Variants in DYNC2H1 observed in about 807,000 individuals in gnomAD.
DYNC2H1 encodes dynein cytoplasmic 2 heavy chain 1, also known as cytoplasmic dynein 2 heavy chain 1.
In DYNC2H1, 410 loss-of-function variants were observed where a neutral mutation model predicts 570.0. That is an observed-to-expected ratio of 0.72 (90% CI 0.66 to 0.78). The LOEUF is 0.78. DYNC2H1 is among the 30% of genes least tolerant of loss of function. The probability of loss-of-function intolerance (pLI) is 0.00; values close to 1 mark genes in which losing one functional copy is unlikely to be tolerated. For missense variants in DYNC2H1, 4,865 were observed against 5,046.4 expected (o/e 0.96, Z 1.09); for synonymous variants, 1,688 against 1,677.6 (o/e 1.01, Z -0.15).
chr11:103,271,598 G>A (rs1354558096), intron 70 of DYNC2H1, among the ~76,000 whole-genome samples: 3 of 152,046 alleles, frequency 2.0e-5, no homozygotes, highest in Non-Finnish European at 4.4e-5. Flanking sequence ...GGAATGTTTT[G>A]GAAGTAAATT....
At chr11:103,441,908 G>A (rs1304077661) in intron 85 of DYNC2H1, among the ~76,000 whole-genome samples, 12 of 152,054 alleles carry the variant, frequency 7.9e-5, no homozygotes, top group Admixed American at 3.9e-4. Context: ...ACCATATTCT[G>A]CATTTCTGGA....
At chr11:103,152,020 C>T in intron 20 of DYNC2H1, 116 bp from the exon 21 acceptor site, 1 of 1,176,820 alleles carries the variant, frequency 8.5e-7, no homozygotes, top group Non-Finnish European at 1.2e-6. Flanking sequence ...TGTTTAAATG[C>T]AAAAATCTTA....
Position 103,156,505 on chromosome 11 carries a change from A to G in DYNC2H1, c.3862A>G (p.Thr1288Ala), listed in dbSNP as rs17301750. 0.11 allele frequency: 181,900 copies of G among 1,613,558 alleles called. 11,024 individuals carry two copies. The highest frequency in any genetic ancestry group is 0.12 in the Non-Finnish European group (140,798 of 1,179,594). The change falls in exon 26 of 89, where the codon ACT becomes GCT. Residue 1288 changes from threonine (T) to alanine (A), a missense_variant. Thr to Ala is a moderately conservative substitution (Grantham distance 58). Coordinates refer to ENST00000375735, the MANE Select transcript of DYNC2H1 (RefSeq NM_001377.3). ...TGATTATGAAGACAGCCAAAGTCGAACTATGAAGCTGATTAAAGACTGGAA... is the reference window on the plus strand; with the variant it reads ...TGATTATGAAGACAGCCAAAGTCGAGCTATGAAGCTGATTAAAGACTGGAA... ...LIDYEDSQSR[T>A]MKLIKDWKDI... is the part of the protein sequence containing the mutation.
chr11:103,241,581 T>C lies in DYNC2H1; in HGVS notation c.9820-2112T>C. The C allele has an allele frequency of 6.5e-7, 1 of 1,530,708 alleles. No individual in the cohort carries two copies. Among genetic ancestry groups the C allele is most frequent in the Middle Eastern group, 1.7e-4 (1 of 5,828 alleles). 94.8% of individuals were successfully genotyped at this position (1,530,708 alleles called of 1,614,324 possible). ...TTTTTAAAAATTTAAAATAATTACTTTTGTAGTTAGGCAAAATGCAGAATT... is the reference window on the plus strand; with the variant it reads ...TTTTTAAAAATTTAAAATAATTACTCTTGTAGTTAGGCAAAATGCAGAATT... On this transcript the variant is annotated intron_variant, in intron 63 of 88. Coordinates refer to ENST00000375735, the MANE Select transcript of DYNC2H1 (RefSeq NM_001377.3). This position sits in a 1 kb window ranked among gnomAD's most constrained non-coding sequence, Gnocchi z 5.1.
intron 15 of DYNC2H1, 127 bp downstream of exon 15, chr11:103,134,546 A>G (rs1040968144): frequency 1.4e-5 from 7 of 509,518 alleles, no homozygotes; most frequent in African/African-American, 2.0e-5. Flanking sequence ...TACCTAATAT[A>G]TTTATAATTT....
rs1259237326 is a variant in DYNC2H1 at position 103,205,363 on chromosome 11, A to G, written c.8454+399A>G. 1.3e-5 allele frequency among the ~76,000 whole-genome samples: 2 copies of G among 152,214 alleles called. No homozygotes were observed. Among genetic ancestry groups the G allele is most frequent in the East Asian group, 1.9e-4 (1 of 5,198 alleles). The stretch of plus-strand genomic sequence containing the variant: ...AGTTAAATTGTGAACTCATAACACT[A>G]TCTTAACTGGAAGCCTCTTATTTTA... On this transcript the variant is annotated intron_variant, in intron 52 of 88. Transcript: ENST00000375735. The surrounding 1 kb of genome is among the most constrained non-coding windows in gnomAD (Gnocchi z 4.5).
At chr11:103,247,775 C>T (rs1864672813) in intron 65 of DYNC2H1, among the ~76,000 whole-genome samples, 1 of 152,030 alleles carries the variant, frequency 6.6e-6, no homozygotes, top group South Asian at 2.1e-4. Context: ...GAAGTGAGCT[C>T]ATTGTACAGA....
chr11:103,358,493 C>T, intron 83 of DYNC2H1, 134 bp downstream of exon 83: 1 of 565,656 alleles, frequency 1.8e-6, no homozygotes, highest in Non-Finnish European at 3.1e-6. Flanking sequence ...GGCCCATGAC[C>T]TCCTTTCTTC....
intron 2 of DYNC2H1, 46 bp from the exon 3 acceptor site, chr11:103,114,057 G>A: frequency 6.3e-7 from 1 of 1,588,302 alleles, no homozygotes; most frequent in Non-Finnish European, 8.6e-7. Flanking sequence ...AATTTGATTA[G>A]CAAAATTTTG....
intron 85 of DYNC2H1, among the ~76,000 whole-genome samples, chr11:103,444,473 G>A (rs1944364743): frequency 6.6e-6 from 1 of 151,980 alleles, no homozygotes; most frequent in Admixed American, 6.6e-5. Flanking sequence ...TATATTTCCG[G>A]GATGTCAGAA....
intron 6 of DYNC2H1, among the ~76,000 whole-genome samples, chr11:103,118,831 A>G (rs1858552335): frequency 6.6e-6 from 1 of 152,134 alleles, no homozygotes; most frequent in Non-Finnish European, 1.5e-5. Context: ...CGTATGTGGT[A>G]TTAGGTTTTC....
Position 103,455,131 on chromosome 11 carries a change from T to G in DYNC2H1, c.12457-55T>G, listed in dbSNP as rs1944741212. ...TTCTTATTGAAAATGACTTAAGTCT[T>G]TAATTGACTTATAAGTGTGTGTGTA... On this transcript the variant is annotated intron_variant, in intron 85 of 88. Transcript: ENST00000375735. 6.1e-6 allele frequency: 8 copies of G among 1,305,362 alleles called. No homozygotes were observed. The South Asian group carries it at 1.1e-4, about 18-fold the overall frequency. The allele number at this position is 1,305,362 out of a possible 1,614,324, so 80.9% of individuals were successfully genotyped here.
intron 82 of DYNC2H1, among the ~76,000 whole-genome samples, chr11:103,347,800 T>TA (rs1259411722): frequency 4.6e-5 from 7 of 152,140 alleles, no homozygotes; most frequent in Admixed American, 6.5e-5. Context: ...CATCCCCTAT[T>TA]ACTGCAGTGT....
intron 70 of DYNC2H1, among the ~76,000 whole-genome samples, chr11:103,265,636 ATCT>A (rs1399282680): frequency 6.6e-6 from 1 of 152,118 alleles, no homozygotes; most frequent in Non-Finnish European, 1.5e-5. Context: ...GAATTCTATT[ATCT>A]TCTTTATCCA....
intron 50 of DYNC2H1, among the ~76,000 whole-genome samples, chr11:103,202,285 G>A (rs1862750400): frequency 8.3e-6 from 1 of 120,172 alleles, no homozygotes; most frequent in Admixed American, 9.9e-5. Flanking sequence ...GATGAGACCA[G>A]AAACACAGAT....
At chr11:103,115,576 T>C (rs1209600542) in intron 4 of DYNC2H1, among the ~76,000 whole-genome samples, 1 of 152,124 alleles carries the variant, frequency 6.6e-6, no homozygotes, top group Non-Finnish European at 1.5e-5. Context: ...GGTGGGTGGA[T>C]CACTTGAGGT....
At chr11:103,462,859 T>C (rs1319157969) in intron 87 of DYNC2H1, among the ~76,000 whole-genome samples, 1 of 152,212 alleles carries the variant, frequency 6.6e-6, no homozygotes, top group African/African-American at 2.4e-5. Flanking sequence ...TGTATATCTT[T>C]CTTTTTGCTT....
Position 103,125,305 on chromosome 11 carries a change from T to TA in DYNC2H1, c.1857+11dup. 6.3e-7 allele frequency: 1 copy of TA among 1,577,466 alleles called. No individual in the cohort carries two copies. The highest frequency in any genetic ancestry group is 8.6e-7 in the Non-Finnish European group (1 of 1,159,856). On this transcript the variant is annotated intron_variant, in intron 12 of 88. Transcript: ENST00000375735. ...AATTATTCTTAAACAAGTATGAAAT[T>TA]ACATTTTTTGAATACCTGCCTATTT...
At chr11:103,414,131 A>T (rs925643493) in intron 84 of DYNC2H1, among the ~76,000 whole-genome samples, 8 of 152,226 alleles carry the variant, frequency 5.3e-5, no homozygotes, top group African/African-American at 1.9e-4. Flanking sequence ...AGGACATAAG[A>T]TGGAAACATA....
Sources: gnomAD v4.1 joint callset for allele counts (sites outside exome capture counted in the v4.1 genomes callset) on GRCh38, gnomAD v4.1.1 for gene constraint, Gnocchi (gnomAD v3.1) non-coding constraint, MANE v1.5 for transcripts, NCBI Gene and HGNC (gene_info 2026-07-23, HGNC 2026-07-21) for gene names.